The following EPHA6 variants were observed in gnomAD, a reference collection of about 807,000 sequenced individuals.
The protein encoded by EPHA6 is ephrin type-A receptor 6.
In EPHA6, 50 loss-of-function variants were observed where a neutral mutation model predicts 112.0. The observed-to-expected ratio is 0.45, with a 90% CI of 0.36 to 0.56. The LOEUF is 0.56. EPHA6 is among the 20% of genes least tolerant of loss of function. The probability of loss-of-function intolerance (pLI) is 0.00; values close to 1 mark genes in which losing one functional copy is unlikely to be tolerated. For missense variants in EPHA6, 1,280 were observed against 1,417.4 expected, an observed-to-expected ratio of 0.90 and a Z score of 1.56; for synonymous variants, 529 against 490.7, an observed-to-expected ratio of 1.08 and a Z score of -1.03.
At chr3:97,073,682 G>A (rs948628656) in intron 3 of EPHA6, among the ~76,000 whole-genome samples, 36 of 152,032 alleles carry the variant, frequency 2.4e-4, no homozygotes, top group Admixed American at 6.6e-4. Context: ...TCATATGATC[G>A]TAAAGCATAT....
intron 3 of EPHA6, among the ~76,000 whole-genome samples, chr3:97,190,838 G>A (rs1002775727): frequency 6.6e-6 from 1 of 151,808 alleles, no homozygotes; most frequent in African/African-American, 2.4e-5. Context: ...TGCACAATGT[G>A]CACATGTACC....
intron 3 of EPHA6, among the ~76,000 whole-genome samples, chr3:97,046,364 T>G (rs2045507110): frequency 6.6e-6 from 1 of 152,150 alleles, no homozygotes; most frequent in Admixed American, 6.5e-5. Flanking sequence ...TGATAGATTT[T>G]AACACCTACC....
chr3:97,460,410 G>C (rs1451366650), intron 7 of EPHA6, among the ~76,000 whole-genome samples: 1 of 152,144 alleles, frequency 6.6e-6, no homozygotes, highest in South Asian at 2.1e-4. Flanking sequence ...ATATTCTTGA[G>C]ATCCCATTCT....
intron 3 of EPHA6, among the ~76,000 whole-genome samples, chr3:97,179,805 A>T (rs1370727772): frequency 6.9e-6 from 1 of 144,064 alleles, no homozygotes; most frequent in African/African-American, 2.7e-5. Context: ...AATTGCTTCT[A>T]TGGCCACCAC....
At chr3:97,556,533 A>G (rs1008136868) in intron 11 of EPHA6, among the ~76,000 whole-genome samples, 3 of 151,978 alleles carry the variant, frequency 2.0e-5, no homozygotes, top group African/African-American at 7.2e-5. Flanking sequence ...AAACCATCAG[A>G]TCTTTTAAGA....
At chr3:97,097,285 T>G (rs989453073) in intron 3 of EPHA6, among the ~76,000 whole-genome samples, 1 of 151,794 alleles carries the variant, frequency 6.6e-6, no homozygotes, top group Non-Finnish European at 1.5e-5. Context: ...AAGAAAAATT[T>G]AAATAATTGA....
At chr3:96,816,236 C>T (rs1407291332) in intron 1 of EPHA6, among the ~76,000 whole-genome samples, 3 of 152,152 alleles carry the variant, frequency 2.0e-5, no homozygotes, top group Non-Finnish European at 4.4e-5. Flanking sequence ...GGTACTTTGG[C>T]ATATTTTCCT....
chr3:97,044,562 G>A (rs1453973704), intron 3 of EPHA6, among the ~76,000 whole-genome samples: 1 of 151,990 alleles, frequency 6.6e-6, no homozygotes, highest in African/African-American at 2.4e-5. Flanking sequence ...TCATTTGCCT[G>A]GTTCTTTAAA....
At chr3:97,480,403 G>C (rs2091497769) in intron 9 of EPHA6, among the ~76,000 whole-genome samples, 1 of 151,964 alleles carries the variant, frequency 6.6e-6, no homozygotes, top group South Asian at 2.1e-4. Context: ...TTGTGTCCCT[G>C]GGTACTTGAG....
intron 5 of EPHA6, among the ~76,000 whole-genome samples, chr3:97,388,649 C>T (rs1390748982): frequency 6.6e-6 from 1 of 152,100 alleles, no homozygotes; most frequent in African/African-American, 2.4e-5. Flanking sequence ...TAATGGGAGG[C>T]AATCTTCCTC....
At chr3:96,866,935 A>T in intron 2 of EPHA6, 46 bp downstream of exon 2, 1 of 1,143,326 alleles carries the variant, frequency 8.7e-7, no homozygotes, top group Non-Finnish European at 1.2e-6. Context: ...TAGATTTTTA[A>T]GATCTCCTAA....
rs114280398 is a variant in EPHA6 at position 97,204,335 on chromosome 3, T to C, written c.1115-21929T>C. On this transcript the variant is annotated intron_variant, in intron 3 of 17. Coordinates refer to ENST00000389672, the MANE Select transcript of EPHA6 (RefSeq NM_001080448.3). ...AGAGCACTTACCATGTACTAGGGCCTGAATCATTACATAGCACTTACCATG... is the reference window on the plus strand; with the variant it reads ...AGAGCACTTACCATGTACTAGGGCCCGAATCATTACATAGCACTTACCATG... 9.3e-3 allele frequency among the ~76,000 whole-genome samples: 1,409 copies of C among 152,234 alleles called. 18 individuals carry two copies. The highest frequency in any genetic ancestry group is 0.032 in the African/African-American group (1,324 of 41,564).
intron 2 of EPHA6, among the ~76,000 whole-genome samples, chr3:96,925,494 C>T (rs918241386): frequency 9.2e-5 from 14 of 151,816 alleles, no homozygotes; most frequent in African/African-American, 3.4e-4. Flanking sequence ...GGTGTTATTT[C>T]CTTTATCATT....
intron 5 of EPHA6, among the ~76,000 whole-genome samples, chr3:97,361,802 A>G (rs749499220): frequency 3.3e-5 from 5 of 152,182 alleles, no homozygotes; most frequent in African/African-American, 7.2e-5. Flanking sequence ...CCTACTTCTC[A>G]ATACTGCCAC....
At chr3:97,700,938 G>A (rs1362960242) in intron 14 of EPHA6, among the ~76,000 whole-genome samples, 2 of 152,136 alleles carry the variant, frequency 1.3e-5, no homozygotes, top group Non-Finnish European at 2.9e-5. Context: ...CATTAGGAAG[G>A]AATAGAATAT....
chr3:97,696,457 G>C (rs997744211), intron 14 of EPHA6, among the ~76,000 whole-genome samples: 9 of 152,120 alleles, frequency 5.9e-5, no homozygotes, highest in African/African-American at 2.2e-4. Context: ...TAGTGCTTAT[G>C]ACTTACGTTT....
At chr3:97,586,291 A>G (rs2093486996) in intron 11 of EPHA6, among the ~76,000 whole-genome samples, 1 of 152,216 alleles carries the variant, frequency 6.6e-6, no homozygotes, top group African/African-American at 2.4e-5. Context: ...AGTCTGCCCA[A>G]GACTGCATGT....
In EPHA6 at chr3:97,646,084, A is replaced by G. The variant is rs1440414143; in HGVS notation, c.2784+8002A>G. 20 of 1,453,518 alleles carry G rather than the reference A, an allele frequency of 1.4e-5. No homozygotes were observed. The African/African-American group carries it at 2.4e-4, about 17-fold the overall frequency. The allele number at this position is 1,453,518 out of a possible 1,614,324, so 90.0% of individuals were successfully genotyped here. The stretch of plus-strand genomic sequence containing the variant: ...TTTCTAATCAAAATACGGACAGAAT[A>G]GGCATTTTCCATTAAAATGACTTTG... On this transcript the variant is annotated intron_variant, in intron 14 of 17. Coordinates refer to ENST00000389672, the MANE Select transcript of EPHA6 (RefSeq NM_001080448.3).
intron 10 of EPHA6, among the ~76,000 whole-genome samples, chr3:97,498,743 A>G (rs906778821): frequency 6.6e-6 from 1 of 152,106 alleles, no homozygotes; most frequent in African/African-American, 2.4e-5. Flanking sequence ...CTCATAGGAG[A>G]ACAAACCCTA....
Sources: allele counts gnomAD v4.1 joint callset (sites outside exome capture counted in the v4.1 genomes callset), GRCh38; gene constraint gnomAD v4.1.1; transcripts MANE v1.5; gene names NCBI Gene and HGNC (gene_info 2026-07-23, HGNC 2026-07-21).